TBXAS1: variants seen among roughly 807,000 people sequenced by gnomAD.
TBXAS1 encodes the protein thromboxane A synthase 1.
In TBXAS1, 48 loss-of-function variants were observed where a neutral mutation model predicts 60.7. The observed-to-expected ratio is 0.79, with a 90% CI of 0.63 to 1.01. The LOEUF (loss-of-function observed/expected upper bound fraction) is 1.01, where lower values mean the gene tolerates loss of function less well. TBXAS1 is among the 50% of genes least tolerant of loss of function. TBXAS1 has a pLI of 0.00. For synonymous variants in TBXAS1, 287 were observed against 269.7 expected (o/e 1.06, Z -0.63); for missense variants, 685 against 686.3 (o/e 1.00, Z 0.02).
chr7:139,843,883 C>T (rs1386791899), intron 1 of TBXAS1, among the ~76,000 whole-genome samples: 1 of 152,188 alleles, frequency 6.6e-6, no homozygotes, highest in East Asian at 1.9e-4. Flanking sequence ...ATCAGTCTCC[C>T]CCTAATTGCA....
chr7:139,998,776 C>T (rs995202542), intron 9 of TBXAS1, among the ~76,000 whole-genome samples: 12 of 152,292 alleles, frequency 7.9e-5, no homozygotes, highest in African/African-American at 2.6e-4. Context: ...ACTGATGCCC[C>T]GTGGGTTGTG....
chr7:139,849,834 G>A (rs1800090166), intron 1 of TBXAS1, among the ~76,000 whole-genome samples: 1 of 152,224 alleles, frequency 6.6e-6, no homozygotes, highest in East Asian at 1.9e-4. Context: ...GCAACCAGGG[G>A]ACACTCTTGT....
At chr7:139,798,782 G>A (rs1261843311) in intron 4 of TBXAS1, among the ~76,000 whole-genome samples, 1 of 152,218 alleles carries the variant, frequency 6.6e-6, no homozygotes, top group Non-Finnish European at 1.5e-5. Context: ...AGCAAATGCA[G>A]TTTGAATTTT....
At chr7:139,794,682 A>T (rs1797499779) in intron 4 of TBXAS1, among the ~76,000 whole-genome samples, 1 of 100,304 alleles carries the variant, frequency 1.0e-5, no homozygotes, top group Admixed American at 1.4e-4. Flanking sequence ...ACCCCACAAC[A>T]GTCCCCAGAG....
At chr7:140,015,639 C>T (rs139719746) in intron 10 of TBXAS1, 84 bp from the exon 11 acceptor site, 2 of 1,520,286 alleles carry the variant, frequency 1.3e-6, no homozygotes, top group African/African-American at 1.4e-5. Context: ...CCCCTTCACA[C>T]TCAGACTCTG....
At chr7:140,012,614 A>G (rs1814709310) in intron 10 of TBXAS1, among the ~76,000 whole-genome samples, 1 of 152,076 alleles carries the variant, frequency 6.6e-6, no homozygotes, top group Admixed American at 6.5e-5. Context: ...GCACGACACC[A>G]TGCTTGGCTA....
chr7:139,992,772 A>G (rs1473419897), intron 9 of TBXAS1, among the ~76,000 whole-genome samples: 1 of 152,248 alleles, frequency 6.6e-6, no homozygotes, highest in Non-Finnish European at 1.5e-5. Context: ...CAAACCTGGT[A>G]GTTTCACGAG....
At chr7:139,868,627 G>A (rs1301556651) in intron 1 of TBXAS1, among the ~76,000 whole-genome samples, 1 of 150,700 alleles carries the variant, frequency 6.6e-6, no homozygotes, top group Non-Finnish European at 1.5e-5. Flanking sequence ...GGGACTATAG[G>A]TGTGTGCCAC....
intron 4 of TBXAS1, among the ~76,000 whole-genome samples, chr7:139,807,672 CGCGCTCA>C (rs769494485): frequency 1.6e-4 from 25 of 152,216 alleles, no homozygotes; most frequent in Non-Finnish European, 3.4e-4. Context: ...CGTGAGCCAC[CGCGCTCA>C]GCCAATTTTT....
intron 3 of TBXAS1, chr7:139,876,003 G>A (rs1802204727): frequency 1.5e-5 from 5 of 334,402 alleles, no homozygotes; most frequent in South Asian, 1.5e-4. Context: ...ACAGTGCACA[G>A]CAGGTCTTAC....
In TBXAS1 at chr7:139,962,241, C is replaced by G; in HGVS notation, c.1134+8C>G. ...GTTTTTAAGGAGAAACACGTGAGTACAAGTTGGATCCAGTTACCCATGGGA... is the reference window on the plus strand; with the variant it reads ...GTTTTTAAGGAGAAACACGTGAGTAGAAGTTGGATCCAGTTACCCATGGGA... On this transcript the variant is annotated splice_region_variant and intron_variant, in intron 9 of 12. Transcript: ENST00000448866. The G allele has an allele frequency of 1.9e-6, 3 of 1,613,984 alleles. No homozygotes were observed. Among genetic ancestry groups the G allele is most frequent in the Non-Finnish European group, 2.5e-6 (3 of 1,180,018 alleles).
chr7:139,839,593 C>A (rs920998937), intron 1 of TBXAS1, among the ~76,000 whole-genome samples: 2 of 148,420 alleles, frequency 1.3e-5, no homozygotes, highest in Non-Finnish European at 3.0e-5. Flanking sequence ...AATCCCAGGG[C>A]TTTGGGAGGG....
chr7:139,986,769 G>A (rs1207390839), intron 9 of TBXAS1, among the ~76,000 whole-genome samples: 7 of 45,332 alleles, frequency 1.5e-4, no homozygotes, highest in South Asian at 9.0e-4. Context: ...GTGTGTGTGT[G>A]TGTGTGTGTG....
chr7:140,008,210 T>C (rs754710297), intron 10 of TBXAS1, among the ~76,000 whole-genome samples: 1 of 152,222 alleles, frequency 6.6e-6, no homozygotes, highest in Admixed American at 6.5e-5. Flanking sequence ...AAGAATGCAA[T>C]TGTAGACATT....
intron 1 of TBXAS1, among the ~76,000 whole-genome samples, chr7:139,868,042 G>A (rs1350015248): frequency 3.3e-5 from 5 of 152,206 alleles, no homozygotes; most frequent in South Asian, 2.1e-4. Context: ...AAATAAAACC[G>A]AAAGATGCTG....
At chr7:139,783,279 T>A (rs1054006291) in intron 3 of TBXAS1, among the ~76,000 whole-genome samples, 1 of 149,736 alleles carries the variant, frequency 6.7e-6, no homozygotes, top group Non-Finnish European at 1.5e-5. Context: ...AGAAAAATGA[T>A]CAGACACCTG....
intron 9 of TBXAS1, among the ~76,000 whole-genome samples, chr7:139,972,223 CA>C (rs753021748): frequency 1.3e-5 from 2 of 152,220 alleles, no homozygotes; most frequent in African/African-American, 4.8e-5. Context: ...TGGGTCACAC[CA>C]ATCAGCATGT....
At chr7:139,890,481 C>T (rs1803510256) in intron 3 of TBXAS1, among the ~76,000 whole-genome samples, 1 of 152,136 alleles carries the variant, frequency 6.6e-6, no homozygotes, top group African/African-American at 2.4e-5. Flanking sequence ...TCCCAAAGTG[C>T]TGGGATTACA....
intron 3 of TBXAS1, among the ~76,000 whole-genome samples, chr7:139,783,875 A>G (rs1259409189): frequency 6.6e-6 from 1 of 152,056 alleles, no homozygotes; most frequent in Non-Finnish European, 1.5e-5. Flanking sequence ...TGCAAATCGC[A>G]TGCCCTTTCT....
Sources: gnomAD v4.1 joint callset for allele counts (sites outside exome capture counted in the v4.1 genomes callset) on GRCh38, gnomAD v4.1.1 for gene constraint, MANE v1.5 for transcripts, NCBI Gene and HGNC (gene_info 2026-07-23, HGNC 2026-07-21) for gene names.